The following VWF variants were observed in gnomAD, a reference collection of about 807,000 sequenced individuals.
VWF encodes the protein von Willebrand factor.
In VWF, 176 loss-of-function variants were observed where a neutral mutation model predicts 308.6. The ratio of observed to expected loss-of-function variants is 0.57; its 90% confidence interval spans 0.50 to 0.65. The LOEUF (loss-of-function observed/expected upper bound fraction) is 0.65. VWF is among the 30% of genes least tolerant of loss of function. The pLI is 0.00. For synonymous variants in VWF, 1,385 were observed against 1,443.4 expected (o/e 0.96, Z 0.92); for missense variants, 3,146 against 3,648.2 (o/e 0.86, Z 3.55).
intron 47 of VWF, among the ~76,000 whole-genome samples, chr12:5,958,973 TG>T (rs1246466049): frequency 3.3e-5 from 5 of 152,118 alleles, no homozygotes; most frequent in Admixed American, 1.3e-4. Flanking sequence ...CCCAGCATTT[TG>T]GGAGGCTGAG....
intron 6 of VWF, among the ~76,000 whole-genome samples, chr12:6,078,016 C>T (rs1944865128): frequency 6.6e-6 from 1 of 152,178 alleles, no homozygotes; most frequent in African/African-American, 2.4e-5. Flanking sequence ...ACGCGGAAGA[C>T]TTACCTTAAT....
At chr12:5,969,065 T>C (rs570501648) in intron 45 of VWF, 146 bp downstream of exon 45, 7 of 890,872 alleles carry the variant, frequency 7.9e-6, no homozygotes, top group South Asian at 6.2e-5. Flanking sequence ...TGCTTTCTCA[T>C]AAAAGCAGTA....
intron 5 of VWF, among the ~76,000 whole-genome samples, chr12:6,099,678 T>A (rs1227364257): frequency 6.6e-6 from 1 of 152,066 alleles, no homozygotes; most frequent in Non-Finnish European, 1.5e-5. Flanking sequence ...CTGGGAAAAC[T>A]GGCTAGCCAT....
intron 45 of VWF, 65 bp downstream of exon 45, chr12:5,969,146 A>T: frequency 6.4e-7 from 1 of 1,551,818 alleles, no homozygotes; most frequent in Non-Finnish European, 8.7e-7. Context: ...TTCAGGAGCC[A>T]AAAGTGGAAA....
At chr12:5,996,282 T>C in intron 34 of VWF, 60 bp from the exon 35 acceptor site, 3 of 1,509,890 alleles carry the variant, frequency 2.0e-6, no homozygotes, top group Non-Finnish European at 1.8e-6. Flanking sequence ...GCCTACTACA[T>C]GCAGACAGGC....
At chr12:6,084,012 G>A (rs562406390) in intron 6 of VWF, among the ~76,000 whole-genome samples, 47 of 152,294 alleles carry the variant, frequency 3.1e-4, no homozygotes, top group Admixed American at 5.2e-4. Context: ...CCAACACCAT[G>A]AGATCTTGCA....
intron 21 of VWF, among the ~76,000 whole-genome samples, chr12:6,030,591 G>A (rs1223612761): frequency 6.6e-6 from 1 of 152,186 alleles, no homozygotes; most frequent in African/African-American, 2.4e-5. Context: ...GCCCCACCCA[G>A]ACCTACTGAG....
intron 6 of VWF, among the ~76,000 whole-genome samples, chr12:6,092,065 T>C (rs1945040720): frequency 6.6e-6 from 1 of 152,144 alleles, no homozygotes; most frequent in South Asian, 2.1e-4. Flanking sequence ...GTCGCGTCCA[T>C]CATGACCATG....
intron 45 of VWF, 115 bp from the exon 46 acceptor site, chr12:5,968,282 G>T (rs370644316): frequency 2.3e-5 from 30 of 1,325,122 alleles, no homozygotes; most frequent in Non-Finnish European, 3.0e-5. Flanking sequence ...CTCCTGTATC[G>T]GTCGGCCCTT....
chr12:6,052,777 T>C lies in VWF; in HGVS notation c.1952A>G (p.Asn651Ser), dbSNP rs1944532877. The C allele has an allele frequency of 1.3e-6, 2 of 1,577,562 alleles. No individual in the cohort carries two copies. The highest frequency in any genetic ancestry group is 1.7e-6 in the Non-Finnish European group (2 of 1,167,714). The change falls in exon 16 of 52, where the codon AAC becomes AGC. Residue 651 changes from asparagine (N) to serine (S), a missense_variant. This residue lies in a region of VWF where 1,304 missense variants were observed against 1,353.0 expected (regional missense o/e 0.96). Coordinates refer to ENST00000261405, the MANE Select transcript of VWF (RefSeq NM_000552.5). ...CAGGTACACCTGGCCTTTCGGGCAG[T>C]TCAGCTCTAGAAGAGAGAGGAGAAG... ...AWREPGRCELNCPKGQVYLQC... is the reference protein window; with the variant it reads ...AWREPGRCELSCPKGQVYLQC...
chr12:6,057,829 T>G lies in VWF; in HGVS notation c.1729+20A>C. 6.3e-7 allele frequency: 1 copy of G among 1,593,578 alleles called. No homozygotes were observed. Among genetic ancestry groups the G allele is most frequent in the Non-Finnish European group, 8.5e-7 (1 of 1,169,752 alleles). ...CTCGAGATTCTGCGAGGTCCCTGCC[T>G]TGCCCCCGGGTTCACATACTCATGC... On this transcript the variant is annotated intron_variant, in intron 14 of 51. Transcript: ENST00000261405.
intron 42 of VWF, among the ~76,000 whole-genome samples, chr12:5,978,900 G>A (rs1943561375): frequency 1.3e-5 from 2 of 152,182 alleles, no homozygotes; most frequent in African/African-American, 2.4e-5. Context: ...AATGCCCAGG[G>A]TGAGCCCAGC....
chr12:5,992,159 C>T lies in VWF; in HGVS notation c.6599-141G>A, dbSNP rs549154831. The T allele has an allele frequency of 9.1e-6, 7 of 766,434 alleles. No homozygotes were observed. The Admixed American group carries it at 1.1e-4, about 12-fold the overall frequency. The allele number at this position is 766,434 out of a possible 1,614,324, so 47.5% of individuals were successfully genotyped here. A position where few individuals can be genotyped will look rare whatever the true frequency, so the allele number is the denominator to read the frequency against. ...TTTCCACCAATCTTCATCCTCCCCACCTTCCATAGAAACAGAACTTTAGGC... is the reference window on the plus strand; with the variant it reads ...TTTCCACCAATCTTCATCCTCCCCATCTTCCATAGAAACAGAACTTTAGGC... On this transcript the variant is annotated intron_variant, in intron 37 of 51. Transcript: ENST00000261405.
Position 5,985,600 on chromosome 12 carries a change from C to G in VWF, c.6864G>C (p.Lys2288Asn). The G allele has an allele frequency of 6.2e-7, 1 of 1,614,144 alleles. No individual in the cohort carries two copies. The highest frequency in any genetic ancestry group is 1.3e-5 in the African/African-American group (1 of 75,076). The change falls in exon 39 of 52, where the codon AAG becomes AAC. Residue 2288 changes from lysine (K) to asparagine (N), a missense_variant. By Grantham distance (94) the Lys-to-Asn change is moderately conservative. This residue lies in a region of VWF where 989 missense variants were observed against 1,117.4 expected (regional missense o/e 0.89). Transcript: ENST00000261405. ...CQICTCLSGR[K>N]VNCTTQPCPT... The stretch of plus-strand genomic sequence containing the variant: ...GGCAGGGCTGCGTTGTGCAGTTGAC[C>G]TTCCGCCCGCTGAGGCATGTGCAGA...
intron 15 of VWF, among the ~76,000 whole-genome samples, chr12:6,054,392 T>C (rs1325298350): frequency 1.3e-5 from 2 of 152,244 alleles, no homozygotes; most frequent in Non-Finnish European, 2.9e-5. Flanking sequence ...TTCAACCACC[T>C]GAGCCTACAA....
intron 18 of VWF, among the ~76,000 whole-genome samples, chr12:6,041,456 T>A (rs1042644632): frequency 4.8e-5 from 7 of 146,566 alleles, no homozygotes; most frequent in Non-Finnish European, 9.0e-5. Context: ...AAAAAAGAAA[T>A]TTTTTTTTTT....
chr12:5,953,734 A>C (rs1943219809), intron 47 of VWF, 140 bp from the exon 48 acceptor site: 1 of 717,112 alleles, frequency 1.4e-6, no homozygotes, highest in East Asian at 2.7e-5. Context: ...TCCAACTCCA[A>C]CCAGCTTTTG....
At chr12:5,980,486 A>C (rs1943592948) in intron 42 of VWF, among the ~76,000 whole-genome samples, 1 of 152,198 alleles carries the variant, frequency 6.6e-6, no homozygotes, top group African/African-American at 2.4e-5. Context: ...TACAGGACAA[A>C]TGACCCAGCT....
rs1357746789 is a variant in VWF, at chr12:5,971,590, T to C, written c.7548+9A>G. 4 of 1,611,790 alleles carry C rather than the reference T, an allele frequency of 2.5e-6. No individual in the cohort carries two copies. In the South Asian group the frequency reaches 4.4e-5, roughly 18 times the overall value. On this transcript the variant is annotated intron_variant, in intron 44 of 51. Coordinates refer to ENST00000261405, the MANE Select transcript of VWF (RefSeq NM_000552.5). ...TGCCCTCCTCCCCGTCCCGGGGGCC[T>C]GGACCTACACTCTTCCAGGAAGACT...
Sources: gnomAD v4.1 joint callset for allele counts (sites outside exome capture counted in the v4.1 genomes callset) on GRCh38, gnomAD v4.1.1 for gene constraint, gnomAD v4.1.1 regional missense constraint, MANE v1.5 for transcripts, NCBI Gene and HGNC (gene_info 2026-07-23, HGNC 2026-07-21) for gene names.